Variants in FOXP1 observed in about 807,000 individuals in gnomAD.
The protein encoded by FOXP1 is forkhead box P1, also known as forkhead box protein P1.
Under a neutral mutation model 98.2 loss-of-function variants are expected in FOXP1, and 15 were observed. The ratio of observed to expected loss-of-function variants is 0.15; its 90% CI spans 0.10 to 0.24. The LOEUF (loss-of-function observed/expected upper bound fraction) is 0.24. Ranked by LOEUF, FOXP1 falls within the 10% of genes least tolerant of loss-of-function variation. FOXP1 has a pLI of 1.00. For missense variants in FOXP1, 633 were observed against 848.5 expected, an observed-to-expected ratio of 0.75 and a Z score of 3.15; for synonymous variants, 371 against 314.5, an observed-to-expected ratio of 1.18 and a Z score of -1.90.
At chr3:71,539,510 A>C (rs1414918825) in intron 2 of FOXP1, among the ~76,000 whole-genome samples, 1 of 151,890 alleles carries the variant, frequency 6.6e-6, no homozygotes, top group African/African-American at 2.4e-5. Flanking sequence ...TTCTGCCAAA[A>C]AAAAAAAAAT....
intron 7 of FOXP1, among the ~76,000 whole-genome samples, chr3:71,056,383 T>G (rs1409624164): frequency 6.6e-6 from 1 of 152,148 alleles, no homozygotes; most frequent in Non-Finnish European, 1.5e-5. Context: ...TTAAATCTCC[T>G]TTTCCCATAA....
chr3:71,437,990 A>G (rs1267826693), intron 3 of FOXP1, among the ~76,000 whole-genome samples: 1 of 152,250 alleles, frequency 6.6e-6, no homozygotes, highest in Non-Finnish European at 1.5e-5. Context: ...GATTGAAACA[A>G]TAACAGTGAC....
chr3:71,445,479 A>T (rs1310349312), intron 3 of FOXP1, among the ~76,000 whole-genome samples: 1 of 152,090 alleles, frequency 6.6e-6, no homozygotes, highest in Non-Finnish European at 1.5e-5. Flanking sequence ...AAGAAGTTCT[A>T]AGATTCTAAG....
chr3:71,583,913 G>C, upstream of FOXP1: 3 of 975,034 alleles, frequency 3.1e-6, no homozygotes, highest in South Asian at 4.7e-5. Context: ...CACGCACCCC[G>C]CTGGGCACTC....
At chr3:71,348,918 C>G (rs905459409) in intron 4 of FOXP1, among the ~76,000 whole-genome samples, 2 of 152,128 alleles carry the variant, frequency 1.3e-5, no homozygotes, top group Admixed American at 1.3e-4. Flanking sequence ...AACCATTAGA[C>G]AAGAGACCGG....
At chr3:71,542,323 T>C (rs901448116) in intron 2 of FOXP1, among the ~76,000 whole-genome samples, 5 of 152,182 alleles carry the variant, frequency 3.3e-5, no homozygotes. Flanking sequence ...TTGCACCCAA[T>C]GTAATAAGCT....
chr3:71,071,929 G>A (rs1576587048), intron 7 of FOXP1, among the ~76,000 whole-genome samples: 1 of 152,068 alleles, frequency 6.6e-6, no homozygotes, highest in Admixed American at 6.6e-5. Context: ...TATCATTACT[G>A]GTATCCTTAC....
At chr3:71,222,162 A>G (rs756922672) in intron 5 of FOXP1, among the ~76,000 whole-genome samples, 1 of 152,040 alleles carries the variant, frequency 6.6e-6, no homozygotes, top group Non-Finnish European at 1.5e-5. Context: ...AAAAAAACAA[A>G]CAAACAAACA....
At chr3:71,390,803 T>TA (rs2080973640) in intron 3 of FOXP1, among the ~76,000 whole-genome samples, 2 of 152,294 alleles carry the variant, frequency 1.3e-5, no homozygotes, top group South Asian at 4.2e-4. Flanking sequence ...TGCTTTGAAA[T>TA]AAACAGTTCA....
intron 7 of FOXP1, among the ~76,000 whole-genome samples, chr3:71,071,870 C>T (rs527798745): frequency 6.6e-6 from 1 of 152,262 alleles, no homozygotes; most frequent in South Asian, 2.1e-4. Flanking sequence ...GCCACTGCGC[C>T]CAGCCTCTGT....
chr3:71,516,520 A>C (rs1351434593), intron 2 of FOXP1, among the ~76,000 whole-genome samples: 1 of 152,190 alleles, frequency 6.6e-6, no homozygotes, highest in African/African-American at 2.4e-5. Context: ...GTTATTTTCT[A>C]GAAAATGAAA....
intron 3 of FOXP1, among the ~76,000 whole-genome samples, chr3:71,490,922 A>T (rs1322434294): frequency 3.9e-5 from 6 of 152,220 alleles, no homozygotes; most frequent in Non-Finnish European, 7.3e-5. Flanking sequence ...TACCTTCAGA[A>T]TTCTAACCCC....
At chr3:71,468,440 C>G (rs1399673784) in intron 3 of FOXP1, among the ~76,000 whole-genome samples, 2 of 152,202 alleles carry the variant, frequency 1.3e-5, no homozygotes, top group Non-Finnish European at 2.9e-5. Context: ...TCACATCACA[C>G]AGGGATCTCA....
chr3:71,461,206 A>G (rs1329017300), intron 3 of FOXP1, among the ~76,000 whole-genome samples: 1 of 152,206 alleles, frequency 6.6e-6, no homozygotes, highest in African/African-American at 2.4e-5. Context: ...AAAGCATATT[A>G]TATGGTGGTG....
intron 7 of FOXP1, among the ~76,000 whole-genome samples, chr3:71,085,485 T>G (rs919630402): frequency 2.0e-5 from 3 of 151,962 alleles, no homozygotes; most frequent in South Asian, 2.1e-4. Flanking sequence ...CCATTAATAT[T>G]TAGTATCCCA....
intron 3 of FOXP1, among the ~76,000 whole-genome samples, chr3:71,464,753 G>A (rs947801777): frequency 2.0e-5 from 3 of 152,124 alleles, no homozygotes; most frequent in Admixed American, 6.5e-5. Context: ...CAGGGAAGCC[G>A]AGGCCCTTGA....
At chr3:71,100,604 C>G (rs1171995623) in intron 7 of FOXP1, among the ~76,000 whole-genome samples, 2 of 152,200 alleles carry the variant, frequency 1.3e-5, no homozygotes, top group African/African-American at 2.4e-5. Flanking sequence ...CTGAAGAAAG[C>G]AGACAAAGAT....
At chr3:71,008,294 G>C (rs1418139103) in intron 12 of FOXP1, among the ~76,000 whole-genome samples, 1 of 152,080 alleles carries the variant, frequency 6.6e-6, no homozygotes, top group Non-Finnish European at 1.5e-5. Context: ...AAAGGGAGGG[G>C]GAGGAAAGGG....
At chr3:71,583,844 G>T, upstream of FOXP1, 1 of 986,280 alleles carries the variant, frequency 1.0e-6, no homozygotes, top group African/African-American at 1.8e-5. Context: ...GGGCAGCACC[G>T]GCCCGGGGGC....
Sources: gnomAD v4.1 joint callset for allele counts (sites outside exome capture counted in the v4.1 genomes callset) on GRCh38, gnomAD v4.1.1 for gene constraint, MANE v1.5 for transcripts, NCBI Gene and HGNC (gene_info 2026-07-23, HGNC 2026-07-21) for gene names.